Variants in UBE2O observed in about 807,000 individuals in gnomAD.
The protein encoded by UBE2O is ubiquitin conjugating enzyme E2 O, also known as (E3-independent) E2 ubiquitin-conjugating enzyme.
In UBE2O, 15 loss-of-function variants were observed where a neutral mutation model predicts 125.8. The ratio of observed to expected loss-of-function variants is 0.12; its 90% CI spans 0.08 to 0.18. The LOEUF is 0.18. UBE2O is among the 10% of genes least tolerant of loss of function. The pLI is 1.00. For synonymous variants in UBE2O, 708 were observed against 703.2 expected, an observed-to-expected ratio of 1.01 and a Z score of -0.11; for missense variants, 1,280 against 1,723.6, an observed-to-expected ratio of 0.74 and a Z score of 4.56.
intron 13 of UBE2O, among the ~76,000 whole-genome samples, chr17:76,397,211 A>G (rs1390465948): frequency 6.6e-6 from 1 of 152,204 alleles, no homozygotes; most frequent in African/African-American, 2.4e-5. Context: ...GGAACATATG[A>G]CAAGAGGGGA....
intron 1 of UBE2O, among the ~76,000 whole-genome samples, chr17:76,415,904 AAT>A (rs1323727704): frequency 2.0e-5 from 3 of 149,682 alleles, no homozygotes; most frequent in Non-Finnish European, 2.9e-5. Context: ...CGTATATACA[AAT>A]ATATACACAT....
At position 76,399,017 on chromosome 17, in the gene UBE2O, C is replaced by A. The variant is rs762269115; in HGVS notation, c.1629-26G>T. The A allele has an allele frequency of 6.2e-7, 1 of 1,610,152 alleles. No individual in the cohort carries two copies. The highest frequency in any genetic ancestry group is 2.2e-5 in the East Asian group (1 of 44,846). ...CTGCGGGTGCAGGCCAGTCAGCAGG[C>A]CATGCAAACCCCACCCCCTCCGCGG... On this transcript the variant is annotated intron_variant, in intron 9 of 17. Transcript: ENST00000319380. This position sits in a 1 kb window ranked among gnomAD's most constrained non-coding sequence, Gnocchi z 6.9.
intron 1 of UBE2O, among the ~76,000 whole-genome samples, chr17:76,449,237 G>T (rs568608342): frequency 6.6e-6 from 1 of 152,128 alleles, no homozygotes; most frequent in Non-Finnish European, 1.5e-5. Flanking sequence ...ACAAAAATAC[G>T]CCACACCCTA....
intron 1 of UBE2O, among the ~76,000 whole-genome samples, chr17:76,448,399 C>T (rs1219218674): frequency 6.6e-6 from 1 of 152,204 alleles, no homozygotes; most frequent in Non-Finnish European, 1.5e-5. Flanking sequence ...ACAAACTTCA[C>T]GTGCCATGAT....
chr17:76,418,865 G>A (rs922594949), intron 1 of UBE2O, among the ~76,000 whole-genome samples: 3 of 152,164 alleles, frequency 2.0e-5, no homozygotes, highest in African/African-American at 7.2e-5. Flanking sequence ...CACCGCGCCT[G>A]TCCGGAACAG....
In UBE2O at chr17:76,396,771, T is replaced by C. The variant is rs778534429; in HGVS notation, c.2166A>G (p.Val722=). The C allele has an allele frequency of 1.2e-6, 2 of 1,612,240 alleles. No individual in the cohort carries two copies. Among genetic ancestry groups the C allele is most frequent in the African/African-American group, 2.7e-5 (2 of 74,900 alleles). The change falls in exon 14 of 18, where the codon GTA becomes GTG. Residue 722 remains valine (V), a synonymous_variant. Coordinates refer to ENST00000319380, the MANE Select transcript of UBE2O (RefSeq NM_022066.4). The surrounding 1 kb of genome is among the most constrained non-coding windows in gnomAD (Gnocchi z 6.7). ...SEIEESDYDS[V]EGSTSGASSD... The stretch of plus-strand genomic sequence containing the variant: ...AGGATGCCCCGCTGGTGCTGCCTTC[T>C]ACCGAATCGTAGTCTGACTCCTCAA...
At chr17:76,421,161 C>G (rs1439051780) in intron 1 of UBE2O, among the ~76,000 whole-genome samples, 1 of 152,178 alleles carries the variant, frequency 6.6e-6, no homozygotes, top group East Asian at 1.9e-4. Flanking sequence ...CGTTGCTCCT[C>G]TGACAGGAAA....
chr17:76,395,919 C>T lies in UBE2O; in HGVS notation c.2810-58G>A, dbSNP rs1203244647. On this transcript the variant is annotated intron_variant, in intron 14 of 17. Transcript: ENST00000319380. The surrounding 1 kb of genome is among the most constrained non-coding windows in gnomAD (Gnocchi z 5.0). ...TGGAGAGGCCCTGGAGCTCCATCTG[C>T]CAACCTGGCTGGACAGGTGAGCACA... 1.2e-6 allele frequency: 2 copies of T among 1,608,362 alleles called. No individual in the cohort carries two copies. The highest frequency in any genetic ancestry group is 1.7e-6 in the Non-Finnish European group (2 of 1,178,352).
rs59781051 is a variant in UBE2O, at chr17:76,435,417, TACACACAC to T, written c.417+17300_417+17307del. ...ATATACAGATACACACACACACACA[TACACACAC>T]ACACACACACACACACACACACACA... is the stretch of plus-strand genomic sequence containing the variant. On this transcript the variant is annotated intron_variant, in intron 1 of 17. Coordinates refer to ENST00000319380, the MANE Select transcript of UBE2O (RefSeq NM_022066.4). Among the ~76,000 whole-genome samples, 312 of 96,380 alleles carry T rather than the reference TACACACAC, an allele frequency of 3.2e-3. 1 individual carries two copies. Among genetic ancestry groups the T allele is most frequent in the Middle Eastern group, 0.02 (4 of 200 alleles). 63.2% of individuals were successfully genotyped at this position (96,380 alleles called of 152,430 possible).
At chr17:76,435,417 T>TAC (rs59781051) in intron 1 of UBE2O, among the ~76,000 whole-genome samples, 4,460 of 96,394 alleles carry the variant, frequency 0.046, 105 homozygotes, top group African/African-American at 0.075. Context: ...CACACACACA[T>TAC]ACACACACAC....
In UBE2O at chr17:76,405,677, G is replaced by T; in HGVS notation, c.418-105C>A. 1.0e-6 allele frequency: 1 copy of T among 993,690 alleles called. No individual in the cohort carries two copies. Among genetic ancestry groups the T allele is most frequent in the Non-Finnish European group, 1.5e-6 (1 of 657,964 alleles). The allele number at this position is 993,690 out of a possible 1,614,324, so 61.6% of individuals were successfully genotyped here. ...AAGCGTCACATCCACACTGCTAAGT[G>T]CACAAATCCTAAGCGTTTGGCTAGC... On this transcript the variant is annotated intron_variant, in intron 1 of 17. Coordinates refer to ENST00000319380, the MANE Select transcript of UBE2O (RefSeq NM_022066.4). The surrounding 1 kb of genome is among the most constrained non-coding windows in gnomAD (Gnocchi z 6.1).
intron 1 of UBE2O, among the ~76,000 whole-genome samples, chr17:76,435,453 C>T (rs1395427567): frequency 2.2e-5 from 3 of 139,128 alleles, no homozygotes; most frequent in Non-Finnish European, 4.6e-5. Context: ...CACACACACA[C>T]ACAAAGATTA....
intron 1 of UBE2O, among the ~76,000 whole-genome samples, chr17:76,422,506 C>T (rs908195725): frequency 6.6e-5 from 10 of 152,364 alleles, no homozygotes; most frequent in Admixed American, 2.6e-4. Flanking sequence ...TGGGCAGACG[C>T]TGTGCCAGAT....
At chr17:76,427,326 A>G (rs938662969) in intron 1 of UBE2O, among the ~76,000 whole-genome samples, 3 of 152,160 alleles carry the variant, frequency 2.0e-5, no homozygotes, top group Non-Finnish European at 2.9e-5. Flanking sequence ...TTCACTCTAG[A>G]GGCTTTATTT....
intron 1 of UBE2O, among the ~76,000 whole-genome samples, chr17:76,429,345 C>T (rs2072865062): frequency 6.6e-6 from 1 of 151,600 alleles, no homozygotes; most frequent in South Asian, 2.1e-4. Flanking sequence ...AGTTTGAAAC[C>T]TGCCTAGGCA....
chr17:76,426,351 T>G (rs533304139), intron 1 of UBE2O, among the ~76,000 whole-genome samples: 11 of 152,182 alleles, frequency 7.2e-5, no homozygotes, highest in Non-Finnish European at 1.2e-4. Flanking sequence ...GATACGGAAT[T>G]CTCTCAGAAT....
Position 76,399,111 on chromosome 17 carries a change from G to A in UBE2O, c.1629-120C>T. ...TGGTAACCTGAAACTCTGAATCCCA[G>A]GTTGGCAGGATGAGTCTCTGGTGCA... On this transcript the variant is annotated intron_variant, in intron 9 of 17. Transcript: ENST00000319380. The surrounding 1 kb of genome is among the most constrained non-coding windows in gnomAD (Gnocchi z 6.9). The A allele has an allele frequency of 7.4e-7, 1 of 1,344,174 alleles. No homozygotes were observed. Among genetic ancestry groups the A allele is most frequent in the South Asian group, 1.4e-5 (1 of 70,316 alleles). 83.3% of individuals were successfully genotyped at this position (1,344,174 alleles called of 1,614,324 possible).
chr17:76,436,042 T>C (rs893066632), intron 1 of UBE2O, among the ~76,000 whole-genome samples: 1 of 151,954 alleles, frequency 6.6e-6, no homozygotes, highest in Non-Finnish European at 1.5e-5. Flanking sequence ...AGCTCAGGAG[T>C]ATGAGACTAG....
chr17:76,395,851 A>G lies in UBE2O; in HGVS notation c.2820T>C (p.Ser940=), dbSNP rs2072197277. 1.9e-6 allele frequency: 3 copies of G among 1,614,220 alleles called. No individual in the cohort carries two copies. The highest frequency in any genetic ancestry group is 2.5e-6 in the Non-Finnish European group (3 of 1,180,056). ...SVLEFAPSNH[S]FKKIEFQPPE... is the part of the protein sequence containing the mutation. ...GAGGCTGGAACTCAATTTTCTTAAA[A>G]GAATGATTTGCTAGAGGGGGGAAGA... The change falls in exon 15 of 18, where the codon TCT becomes TCC. Residue 940 remains serine (S), a synonymous_variant. Coordinates refer to ENST00000319380, the MANE Select transcript of UBE2O (RefSeq NM_022066.4). This position sits in a 1 kb window ranked among gnomAD's most constrained non-coding sequence, Gnocchi z 5.0.
Sources: gnomAD v4.1 joint callset for allele counts (sites outside exome capture counted in the v4.1 genomes callset) on GRCh38, gnomAD v4.1.1 for gene constraint, Gnocchi (gnomAD v3.1) non-coding constraint, MANE v1.5 for transcripts, NCBI Gene and HGNC (gene_info 2026-07-23, HGNC 2026-07-21) for gene names.